The following HOOK3 variants were observed in gnomAD, a reference collection of about 807,000 sequenced individuals.
HOOK3 encodes the protein protein Hook homolog 3.
A neutral mutation model predicts 116.3 loss-of-function variants in HOOK3; 24 were observed. The ratio of observed to expected loss-of-function variants is 0.21; its 90% CI spans 0.15 to 0.29. The LOEUF is 0.29. Among genes scored for constraint, HOOK3 ranks in the 10% least tolerant of loss-of-function variants. The pLI is 1.00. For missense variants in HOOK3, 632 were observed against 830.2 expected (o/e 0.76, Z 2.93); for synonymous variants, 275 against 283.0 (o/e 0.97, Z 0.28).
intron 4 of HOOK3, among the ~76,000 whole-genome samples, chr8:42,942,614 G>C (rs1808149739): frequency 6.6e-6 from 1 of 152,134 alleles, no homozygotes; most frequent in African/African-American, 2.4e-5. Flanking sequence ...TTCATTATTT[G>C]CTTTTTTCTG....
Position 43,013,340 on chromosome 8 carries a change from G to A in HOOK3, c.1956G>A (p.Glu652=), listed in dbSNP as rs145371356. 1.5e-3 allele frequency: 2,309 copies of A among 1,561,892 alleles called. 34 individuals carry two copies. In the African/African-American group the frequency reaches 0.029, roughly 19 times the overall value. The part of the protein sequence containing the change: ...RLFHSLEKEY[E]KTKSQREMEE... ...TTTTTTTTTTTTAGAAAGAATATGA[G>A]AAAACAAAGAGTCAGAGAGAGATGG... is the stretch of plus-strand genomic sequence containing the variant. The change falls in exon 21 of 22, where the codon GAG becomes GAA. Residue 652 remains glutamate (E), a synonymous_variant. Transcript: ENST00000307602.
At chr8:42,952,924 C>G (rs1231640289) in intron 6 of HOOK3, among the ~76,000 whole-genome samples, 1 of 152,122 alleles carries the variant, frequency 6.6e-6, no homozygotes, top group African/African-American at 2.4e-5. Flanking sequence ...TTCCATCTTG[C>G]TGCTGTGCCG....
chr8:43,007,670 CTTTA>C (rs973423325), intron 17 of HOOK3, among the ~76,000 whole-genome samples, 173 bp from the exon 18 acceptor site: 1 of 151,942 alleles, frequency 6.6e-6, no homozygotes, highest in African/African-American at 2.4e-5. Flanking sequence ...ATTTTTTTGT[CTTTA>C]TTTTTTACTT....
rs528483060 is a variant in HOOK3 at position 43,019,161 on chromosome 8, A to C, written c.*663A>C. ...GAGACTATTTTTAAAACATAAATACATAAAATTTCATTATTTCCTGCTATC... is the reference window on the plus strand; with the variant it reads ...GAGACTATTTTTAAAACATAAATACCTAAAATTTCATTATTTCCTGCTATC... On this transcript the variant is annotated 3_prime_UTR_variant, in exon 22 of 22. Transcript: ENST00000307602. 11 of 209,504 alleles carry C rather than the reference A, an allele frequency of 5.3e-5. No individual in the cohort carries two copies. The highest frequency in any genetic ancestry group is 1.1e-4 in the Non-Finnish European group (11 of 102,914). 13.0% of individuals were successfully genotyped at this position (209,504 alleles called of 1,614,324 possible).
chr8:43,004,945 A>G (rs1809450327), intron 17 of HOOK3, among the ~76,000 whole-genome samples: 1 of 151,978 alleles, frequency 6.6e-6, no homozygotes. Context: ...AAAGTATGGA[A>G]GAGCATTGTA....
chr8:42,919,743 C>T (rs1488001033), intron 2 of HOOK3, among the ~76,000 whole-genome samples: 1 of 152,216 alleles, frequency 6.6e-6, no homozygotes, highest in Non-Finnish European at 1.5e-5. Context: ...GAGCTGGAGA[C>T]CAGCCCAGCC....
intron 3 of HOOK3, among the ~76,000 whole-genome samples, chr8:42,929,308 A>T (rs1306116321): frequency 6.6e-6 from 1 of 152,214 alleles, no homozygotes; most frequent in Non-Finnish European, 1.5e-5. Flanking sequence ...TTTCTTCCTT[A>T]CAAATAAATA....
At chr8:42,939,025 G>T (rs972467929) in intron 4 of HOOK3, among the ~76,000 whole-genome samples, 13 of 152,230 alleles carry the variant, frequency 8.5e-5, no homozygotes, top group Admixed American at 7.8e-4. Context: ...GAGAGCACAG[G>T]GTTGGGGGTA....
intron 2 of HOOK3, among the ~76,000 whole-genome samples, chr8:42,913,848 A>G (rs1426151572): frequency 6.6e-6 from 1 of 152,108 alleles, no homozygotes; most frequent in Non-Finnish European, 1.5e-5. Context: ...TTTCATTTCA[A>G]TAATGATTAA....
intron 19 of HOOK3, among the ~76,000 whole-genome samples, chr8:43,011,085 C>T (rs865807980): frequency 5.3e-5 from 8 of 151,916 alleles, no homozygotes; most frequent in Admixed American, 2.0e-4. Context: ...CTCCGCCTCC[C>T]GGGTTCACGC....
intron 6 of HOOK3, among the ~76,000 whole-genome samples, chr8:42,952,843 T>C (rs192806764): frequency 1.2e-4 from 18 of 152,268 alleles, no homozygotes; most frequent in Non-Finnish European, 2.2e-4. Context: ...AAGCAAGATA[T>C]GAGTTTAATT....
chr8:42,956,117 A>G (rs1174023440), intron 6 of HOOK3, among the ~76,000 whole-genome samples: 7 of 151,992 alleles, frequency 4.6e-5, no homozygotes, highest in African/African-American at 1.2e-4. Flanking sequence ...GACTGGGGCC[A>G]TTTGAGTCTC....
chr8:42,919,744 C>G (rs1250478593), intron 2 of HOOK3, among the ~76,000 whole-genome samples: 1 of 152,200 alleles, frequency 6.6e-6, no homozygotes, highest in African/African-American at 2.4e-5. Flanking sequence ...AGCTGGAGAC[C>G]AGCCCAGCCA....
Position 42,966,494 on chromosome 8 carries a change from T to G in HOOK3, c.801T>G (p.Asp267Glu). The G allele has an allele frequency of 6.2e-7, 1 of 1,614,168 alleles. No homozygotes were observed. Among genetic ancestry groups the G allele is most frequent in the Non-Finnish European group, 8.5e-7 (1 of 1,180,002 alleles). The change falls in exon 10 of 22, where the codon GAT (aspartate) becomes GAG (glutamate). Residue 267 changes from aspartate to glutamate, a missense_variant. By Grantham distance (45) the Asp-to-Glu change is conservative. Transcript: ENST00000307602. ...ETFRLEAAKD[D>E]YRIRCEELEK... Reference sequence around the variant, plus strand: ...ACAGACTAGAAGCAGCCAAAGATGATTATCGAATACGTTGTGAAGAGTTAG... The same window carrying G: ...ACAGACTAGAAGCAGCCAAAGATGAGTATCGAATACGTTGTGAAGAGTTAG...
chr8:42,913,680 A>G (rs1807478024), intron 2 of HOOK3, among the ~76,000 whole-genome samples: 1 of 152,208 alleles, frequency 6.6e-6, no homozygotes, highest in Non-Finnish European at 1.5e-5. Context: ...TCTATGCTTA[A>G]TATTCAAGAA....
In HOOK3 at chr8:43,002,117, TA is replaced by T; in HGVS notation, c.1637del (p.Lys546ArgfsTer7). The T allele has an allele frequency of 6.3e-7, 1 of 1,588,988 alleles. No homozygotes were observed. Among genetic ancestry groups the T allele is most frequent in the Non-Finnish European group, 8.6e-7 (1 of 1,157,580 alleles). Reference sequence around the variant, plus strand: ...GTTTTTCATTTTTAGTCAGTCCTTCTAAAAAAGAAGCTTGAAGAACATCTGT... The same window carrying T: ...GTTTTTCATTTTTAGTCAGTCCTTCTAAAAAGAAGCTTGAAGAACATCTGT... The part of the protein sequence containing the change: ...QGSKAEDSVL[L>X]KKKLEEHLEK... On this transcript the variant is annotated frameshift_variant, in exon 17 of 22. Transcript: ENST00000307602. LOFTEE classifies it high-confidence loss of function.
rs1422720581 is a variant in HOOK3, at chr8:42,980,833, G to A, written c.1322-1794G>A. ...TGAGAGGAGGAGGTTGCAGTGAGCCGAGATCGCGCCACTGCACTCCAGCCT... is the reference window on the plus strand; with the variant it reads ...TGAGAGGAGGAGGTTGCAGTGAGCCAAGATCGCGCCACTGCACTCCAGCCT... On this transcript the variant is annotated intron_variant, in intron 13 of 21. Coordinates refer to ENST00000307602, the MANE Select transcript of HOOK3 (RefSeq NM_032410.4). Among the ~76,000 whole-genome samples the A allele has an allele frequency of 4.0e-5, 6 of 151,838 alleles. No individual in the cohort carries two copies. The South Asian group carries it at 6.2e-4, about 16-fold the overall frequency.
intron 3 of HOOK3, among the ~76,000 whole-genome samples, chr8:42,927,331 G>A (rs958720188): frequency 4.1e-5 from 6 of 145,136 alleles, no homozygotes; most frequent in Admixed American, 1.4e-4. Context: ...ATCTCGGCTC[G>A]CTGCAACCTC....
At chr8:42,998,317 C>T (rs756265803) in intron 16 of HOOK3, among the ~76,000 whole-genome samples, 16 of 152,076 alleles carry the variant, frequency 1.1e-4, no homozygotes, top group Admixed American at 7.9e-4. Context: ...AGTAAACAAC[C>T]GAGCTAAGAC....
Sources: allele counts gnomAD v4.1 joint callset (sites outside exome capture counted in the v4.1 genomes callset), GRCh38; gene constraint gnomAD v4.1.1; transcripts MANE v1.5; gene names NCBI Gene and HGNC (gene_info 2026-07-23, HGNC 2026-07-21).